The following CD2 variants were observed in gnomAD, a reference collection of about 807,000 sequenced individuals.
CD2 encodes the protein CD2 molecule.
In CD2, 18 loss-of-function variants were observed where a neutral mutation model predicts 23.2. The ratio of observed to expected loss-of-function variants is 0.77; its 90% confidence interval spans 0.54 to 1.15. CD2 has a LOEUF of 1.15. Among genes scored for constraint, CD2 ranks in the 50% most tolerant of loss-of-function variants. CD2 has a pLI of 0.00. For synonymous variants in CD2, 162 were observed against 151.9 expected, an observed-to-expected ratio of 1.07 and a Z score of -0.49; for missense variants, 424 against 423.1, an observed-to-expected ratio of 1.00 and a Z score of -0.02.
intron 2 of CD2, among the ~76,000 whole-genome samples, chr1:116,759,124 T>A (rs1422185119): frequency 6.6e-6 from 1 of 152,192 alleles, no homozygotes; most frequent in East Asian, 1.9e-4. Flanking sequence ...CGGGCAAACT[T>A]CGTGACCCAA....
In CD2 at chr1:116,764,733, T is replaced by C. The variant is rs1299280654; in HGVS notation, c.736+127T>C. Reference sequence around the variant, plus strand: ...AGGTAGTTTCGGAATGTCAGGGTTGTAGTCAGCGGTTATAGCTTGTTTCAT... The same window carrying C: ...AGGTAGTTTCGGAATGTCAGGGTTGCAGTCAGCGGTTATAGCTTGTTTCAT... On this transcript the variant is annotated intron_variant, in intron 4 of 4. Transcript: ENST00000369478. 3 of 731,068 alleles carry C rather than the reference T, an allele frequency of 4.1e-6. No homozygotes were observed. The African/African-American group carries it at 5.3e-5, about 13-fold the overall frequency. 45.3% of individuals were successfully genotyped at this position (731,068 alleles called of 1,614,324 possible).
chr1:116,760,861 A>G (rs1443380258), intron 3 of CD2, among the ~76,000 whole-genome samples: 1 of 152,234 alleles, frequency 6.6e-6, no homozygotes, highest in African/African-American at 2.4e-5. Context: ...TGACCACAAG[A>G]AATTTTAAAG....
Position 116,767,049 on chromosome 1 carries a change from C to T in CD2, c.737-1415C>T, listed in dbSNP as rs146839924. Among the ~76,000 whole-genome samples, 169 of 152,234 alleles carry T rather than the reference C, an allele frequency of 1.1e-3. 2 individuals are homozygous for T. In the Middle Eastern group the frequency reaches 0.014, roughly 12 times the overall value. Reference sequence around the variant, plus strand: ...TAACCTAAGCAATGACTGCAGGGCACGGAAGATGGCATAGAGGATGTGTTT... The same window carrying T: ...TAACCTAAGCAATGACTGCAGGGCATGGAAGATGGCATAGAGGATGTGTTT... On this transcript the variant is annotated intron_variant, in intron 4 of 4. Transcript: ENST00000369478.
At chr1:116,764,188 C>A (rs753420233) in intron 3 of CD2, among the ~76,000 whole-genome samples, 4 of 152,160 alleles carry the variant, frequency 2.6e-5, no homozygotes, top group Non-Finnish European at 5.9e-5. Context: ...TCTAAAATTT[C>A]GTGATGCTTT....
At chr1:116,763,539 C>T (rs1037111535) in intron 3 of CD2, among the ~76,000 whole-genome samples, 1 of 152,200 alleles carries the variant, frequency 6.6e-6, no homozygotes, top group Non-Finnish European at 1.5e-5. Flanking sequence ...CCAGAAACAC[C>T]AGTGCGAGAA....
intron 3 of CD2, among the ~76,000 whole-genome samples, chr1:116,762,353 A>G (rs993056374): frequency 1.1e-4 from 16 of 152,160 alleles, no homozygotes; most frequent in Admixed American, 1.0e-3. Flanking sequence ...GGATGGAAGG[A>G]GGGAGAGAGG....
chr1:116,760,296 T>C lies in CD2; in HGVS notation c.383-106T>C, dbSNP rs149317456. 624 of 778,814 alleles carry C rather than the reference T, an allele frequency of 8.0e-4. 4 individuals are homozygous for C. In the African/African-American group the frequency reaches 9.8e-3, roughly 12 times the overall value. 48.2% of individuals were successfully genotyped at this position (778,814 alleles called of 1,614,324 possible). A position where few individuals can be genotyped will look rare whatever the true frequency, so the allele number is the denominator to read the frequency against. On this transcript the variant is annotated intron_variant, in intron 2 of 4. Coordinates refer to ENST00000369478, the MANE Select transcript of CD2 (RefSeq NM_001767.5). ...CAAAAGTTGCTAGAGGTCTTTGACA[T>C]TGTTCCCTTGTCCCTAACTGACTCC...
intron 3 of CD2, among the ~76,000 whole-genome samples, chr1:116,762,232 T>G (rs1242370887): frequency 1.3e-5 from 2 of 152,252 alleles, no homozygotes; most frequent in African/African-American, 4.8e-5. Flanking sequence ...AATTTTTCAT[T>G]GTTTATCTGA....
chr1:116,765,548 G>A (rs918688501), intron 4 of CD2, among the ~76,000 whole-genome samples: 4 of 152,016 alleles, frequency 2.6e-5, no homozygotes, highest in South Asian at 2.1e-4. Context: ...TCAGCCCCAC[G>A]TCCCATCACG....
chr1:116,761,189 G>GA (rs951600350), intron 3 of CD2, among the ~76,000 whole-genome samples: 28 of 152,180 alleles, frequency 1.8e-4, no homozygotes, highest in African/African-American at 5.8e-4. Context: ...ACTAGCTCCA[G>GA]AAAATCTCAA....
Position 116,768,689 on chromosome 1 carries a change from A to G in CD2, c.962A>G (p.His321Arg). Reference protein sequence around the residue: ...RPPAPSGTQVHQQKGPPLPRP... With the variant: ...RPPAPSGTQVRQQKGPPLPRP... ...CCTGCTCCGTCGGGCACACAAGTTCACCAGCAGAAAGGCCCGCCCCTCCCC... is the reference window on the plus strand; with the variant it reads ...CCTGCTCCGTCGGGCACACAAGTTCGCCAGCAGAAAGGCCCGCCCCTCCCC... The change falls in exon 5 of 5, where the codon CAC (histidine) becomes CGC (arginine). Residue 321 changes from histidine to arginine, a missense_variant. Coordinates refer to ENST00000369478, the MANE Select transcript of CD2 (RefSeq NM_001767.5). The G allele has an allele frequency of 1.9e-6, 3 of 1,614,076 alleles. No individual in the cohort carries two copies. Among genetic ancestry groups the G allele is most frequent in the Non-Finnish European group, 2.5e-6 (3 of 1,180,034 alleles).
chr1:116,756,225 A>G (rs1651844964), intron 2 of CD2, among the ~76,000 whole-genome samples: 1 of 152,142 alleles, frequency 6.6e-6, no homozygotes, highest in Admixed American at 6.5e-5. Context: ...AGGGCCTCTG[A>G]TTATGGGCTC....
At chr1:116,756,340 C>T (rs1476800167) in intron 2 of CD2, among the ~76,000 whole-genome samples, 5 of 152,244 alleles carry the variant, frequency 3.3e-5, no homozygotes, top group South Asian at 4.1e-4. Flanking sequence ...ACATTTGGGT[C>T]GCATTTAGCA....
intron 3 of CD2, among the ~76,000 whole-genome samples, chr1:116,763,637 C>T (rs1395164069): frequency 6.6e-6 from 1 of 152,194 alleles, no homozygotes; most frequent in Middle Eastern, 3.2e-3. Flanking sequence ...TTCCAACAGC[C>T]ACCCTATGAT....
chr1:116,763,356 T>C (rs189087960), intron 3 of CD2, among the ~76,000 whole-genome samples: 392 of 152,298 alleles, frequency 2.6e-3, no homozygotes, highest in African/African-American at 9.0e-3. Context: ...CCTGGTATGT[T>C]TTTGCCTGGA....
intron 2 of CD2, 102 bp downstream of exon 2, chr1:116,755,053 A>AG (rs1313433806): frequency 4.2e-5 from 33 of 787,416 alleles, no homozygotes; most frequent in South Asian, 1.1e-4. Context: ...CTCTGCCTCC[A>AG]GGGGGGCTAT....
At chr1:116,766,170 G>T (rs1411635925) in intron 4 of CD2, among the ~76,000 whole-genome samples, 1 of 152,254 alleles carries the variant, frequency 6.6e-6, no homozygotes, top group Non-Finnish European at 1.5e-5. Flanking sequence ...GTAACCAGGA[G>T]ATGCAAACAA....
chr1:116,754,991 G>T (rs770384962), intron 2 of CD2, 40 bp downstream of exon 2: 2 of 1,390,176 alleles, frequency 1.4e-6, no homozygotes, highest in Admixed American at 4.0e-5. Flanking sequence ...TTCAGTGTGG[G>T]TGCTATTTGG....
At chr1:116,767,390 G>A (rs527695022) in intron 4 of CD2, among the ~76,000 whole-genome samples, 29 of 152,114 alleles carry the variant, frequency 1.9e-4, no homozygotes, top group African/African-American at 5.8e-4. Flanking sequence ...TCGGGAGTTC[G>A]AGACCAGCCT....
Sources: gnomAD v4.1 joint callset for allele counts (sites outside exome capture counted in the v4.1 genomes callset) on GRCh38, gnomAD v4.1.1 for gene constraint, MANE v1.5 for transcripts, NCBI Gene and HGNC (gene_info 2026-07-23, HGNC 2026-07-21) for gene names.